The following GTF2A1 variants were observed in gnomAD, a reference collection of about 807,000 sequenced individuals.
GTF2A1 encodes the protein transcription initiation factor IIA subunit 1.
Under a neutral mutation model 54.1 loss-of-function variants are expected in GTF2A1, and 12 were observed. That is an observed-to-expected ratio of 0.22 (90% CI 0.14 to 0.36). The LOEUF is 0.36. Among genes scored for constraint, GTF2A1 ranks in the 10% least tolerant of loss-of-function variants. The probability of loss-of-function intolerance (pLI) is 1.00; values close to 1 mark genes in which losing one functional copy is unlikely to be tolerated. For missense variants in GTF2A1, 335 were observed against 442.2 expected, an observed-to-expected ratio of 0.76 and a Z score of 2.17; for synonymous variants, 145 against 152.0, an observed-to-expected ratio of 0.95 and a Z score of 0.34.
At chr14:81,183,026 CGACT>C (rs1253902399) in intron 8 of GTF2A1, among the ~76,000 whole-genome samples, 6 of 152,102 alleles carry the variant, frequency 3.9e-5, no homozygotes, top group African/African-American at 1.4e-4. Context: ...TTTTCCATAC[CGACT>C]ATCAGCTTCT....
chr14:81,189,177 TA>T (rs1566852557), intron 7 of GTF2A1, among the ~76,000 whole-genome samples: 1 of 152,026 alleles, frequency 6.6e-6, no homozygotes, highest in Admixed American at 6.6e-5. Flanking sequence ...ACTTCATGGT[TA>T]AAAAAAATTT....
intron 8 of GTF2A1, among the ~76,000 whole-genome samples, chr14:81,181,480 G>A (rs182028073): frequency 7.2e-5 from 11 of 152,272 alleles, no homozygotes; most frequent in African/African-American, 2.4e-4. Flanking sequence ...GGTCCAGTAC[G>A]CTTTTACTAA....
At chr14:81,210,129 C>A (rs113849648) in intron 2 of GTF2A1, among the ~76,000 whole-genome samples, 2 of 149,512 alleles carry the variant, frequency 1.3e-5, no homozygotes, top group African/African-American at 4.8e-5. Context: ...TGAACATGGC[C>A]CCACACATTT....
intron 7 of GTF2A1, among the ~76,000 whole-genome samples, chr14:81,186,107 C>A (rs1193378634): frequency 6.6e-5 from 10 of 152,166 alleles, no homozygotes; most frequent in African/African-American, 2.4e-4. Flanking sequence ...CCGCCTAGGC[C>A]TCCCAAAGTG....
In GTF2A1 at chr14:81,191,788, A is replaced by G. The variant is rs1236678080; in HGVS notation, c.933+731T>C. On this transcript the variant is annotated intron_variant, in intron 7 of 8. Coordinates refer to ENST00000553612, the MANE Select transcript of GTF2A1 (RefSeq NM_015859.4). Reference sequence around the variant, plus strand: ...ACCAGGATGATTTTTATCTTGAAACATTTCTATTCATTTGTGTCTATTCAA... The same window carrying G: ...ACCAGGATGATTTTTATCTTGAAACGTTTCTATTCATTTGTGTCTATTCAA... Among the ~76,000 whole-genome samples the G allele has an allele frequency of 1.4e-4, 21 of 152,268 alleles. No homozygotes were observed. In the East Asian group the frequency reaches 3.9e-3, roughly 28 times the overall value.
chr14:81,215,735 T>TA (rs1038814765), intron 2 of GTF2A1, among the ~76,000 whole-genome samples: 5 of 152,076 alleles, frequency 3.3e-5, no homozygotes, highest in Non-Finnish European at 5.9e-5. Context: ...TTAAGACCAT[T>TA]AAAAAAAGAT....
rs1052676833 is a variant in GTF2A1, at chr14:81,179,399, A to G, written c.*824T>C. 6.6e-6 allele frequency: 1 copy of G among 152,240 alleles called. No individual in the cohort carries two copies. The highest frequency in any genetic ancestry group is 1.5e-5 in the Non-Finnish European group (1 of 68,038). The allele number at this position is 152,240 out of a possible 1,614,324, so 9.4% of individuals were successfully genotyped here. A position where few individuals can be genotyped will look rare whatever the true frequency, so the allele number is the denominator to read the frequency against. On this transcript the variant is annotated 3_prime_UTR_variant, in exon 9 of 9. Coordinates refer to ENST00000553612, the MANE Select transcript of GTF2A1 (RefSeq NM_015859.4). ...TTCAGCTAGATGGTATGCTTGCAAA[A>G]TAAAACTATATTCCTGAGGAGCTAG...
intron 7 of GTF2A1, among the ~76,000 whole-genome samples, chr14:81,189,397 C>T (rs187280383): frequency 1.6e-4 from 24 of 152,270 alleles, no homozygotes; most frequent in Admixed American, 1.4e-3. Flanking sequence ...AGTGGCCAGG[C>T]GCGGTGGCTC....
rs188013186 is a variant in GTF2A1 at position 81,205,180 on chromosome 14, C to T, written c.133-1076G>A. Among the ~76,000 whole-genome samples the T allele has an allele frequency of 1.0e-3, 152 of 151,996 alleles. 1 individual carries two copies. Among genetic ancestry groups the T allele is most frequent in the African/African-American group, 3.2e-3 (134 of 41,492 alleles). On this transcript the variant is annotated intron_variant, in intron 2 of 8. Coordinates refer to ENST00000553612, the MANE Select transcript of GTF2A1 (RefSeq NM_015859.4). ...CTCACTATGTTGCCCAGGCTGGTCT[C>T]GAACTCCTGGGCTCAAGCAATCTGC...
intron 6 of GTF2A1, among the ~76,000 whole-genome samples, chr14:81,193,556 T>G (rs1892923895): frequency 6.6e-6 from 1 of 152,216 alleles, no homozygotes; most frequent in Admixed American, 6.5e-5. Context: ...CAAACTAGGC[T>G]TAATGGTTCT....
At chr14:81,214,416 TG>T (rs1300312053) in intron 2 of GTF2A1, among the ~76,000 whole-genome samples, 1 of 151,800 alleles carries the variant, frequency 6.6e-6, no homozygotes, top group South Asian at 2.1e-4. Context: ...GAGGCCGAGG[TG>T]GGGGGATCAC....
intron 4 of GTF2A1, among the ~76,000 whole-genome samples, chr14:81,199,648 A>C (rs983454991): frequency 2.0e-5 from 3 of 152,244 alleles, no homozygotes; most frequent in Non-Finnish European, 4.4e-5. Context: ...ACAACAAAGT[A>C]AAATGTAAAA....
rs373416763 is a variant in GTF2A1 at position 81,215,513 on chromosome 14, T to C, written c.132+900A>G. Among the ~76,000 whole-genome samples the C allele has an allele frequency of 1.1e-4, 17 of 152,286 alleles. No individual in the cohort carries two copies. In the East Asian group the frequency reaches 2.1e-3, roughly 19 times the overall value. On this transcript the variant is annotated intron_variant, in intron 2 of 8. Coordinates refer to ENST00000553612, the MANE Select transcript of GTF2A1 (RefSeq NM_015859.4). ...CAACAGGGCAAAAATATTCCACAAT[T>C]TCATGAGTCATTACAATGCAAGGAA...
intron 7 of GTF2A1, among the ~76,000 whole-genome samples, chr14:81,189,620 G>A (rs1892830254): frequency 2.0e-5 from 3 of 152,074 alleles, no homozygotes; most frequent in Admixed American, 1.3e-4. Flanking sequence ...GCAGTGAGCA[G>A]AGATAGTGCC....
intron 7 of GTF2A1, among the ~76,000 whole-genome samples, chr14:81,187,556 T>C (rs903746326): frequency 2.0e-5 from 3 of 152,186 alleles, no homozygotes; most frequent in African/African-American, 7.2e-5. Flanking sequence ...ATCTATAATC[T>C]GCTGTCTGTA....
chr14:81,216,446 T>G lies in GTF2A1; in HGVS notation c.99A>C (p.Gly33=), dbSNP rs773098230. Residue 33 remains glycine, a synonymous_variant, in exon 2 of 9, where the codon GGA becomes GGC. Coordinates refer to ENST00000553612, the MANE Select transcript of GTF2A1 (RefSeq NM_015859.4). ...NDVRDIFLDD[G]VDEQVLMELK... The stretch of plus-strand genomic sequence containing the variant: ...GTTCCATCAGTACTTGTTCATCCAC[T>G]CCATCATCCAGAAAGATGTCTCTCA... 4 of 1,517,966 alleles carry G rather than the reference T, an allele frequency of 2.6e-6. No individual in the cohort carries two copies. Among genetic ancestry groups the G allele is most frequent in the Non-Finnish European group, 2.7e-6 (3 of 1,092,776 alleles). The allele number at this position is 1,517,966 out of a possible 1,614,324, so 94.0% of individuals were successfully genotyped here.
chr14:81,196,310 A>T, intron 5 of GTF2A1, 69 bp from the exon 6 acceptor site: 1 of 1,472,994 alleles, frequency 6.8e-7, no homozygotes, highest in Non-Finnish European at 9.5e-7. Context: ...ATGAATTCAT[A>T]TTTAATTTCA....
chr14:81,201,641 T>C lies in GTF2A1; in HGVS notation c.355A>G (p.Ile119Val), dbSNP rs1893113311. Residue 119 changes from isoleucine to valine, a missense_variant, in exon 4 of 9, where the codon ATT becomes GTT. This residue lies in a region of GTF2A1 where 306 missense variants were observed against 360.4 expected (regional missense o/e 0.85). Coordinates refer to ENST00000553612, the MANE Select transcript of GTF2A1 (RefSeq NM_015859.4). ...TGTATCAACTTAGAATCTGGAACAATAACTTGTGGTGCTGTGGCTACAAAA... is the reference window on the plus strand; with the variant it reads ...TGTATCAACTTAGAATCTGGAACAACAACTTGTGGTGCTGTGGCTACAAAA... ...ASQQATAPQVIVPDSKLIQHM... is the reference protein window; with the variant it reads ...ASQQATAPQVVVPDSKLIQHM... 6.2e-7 allele frequency: 1 copy of C among 1,610,226 alleles called. No individual in the cohort carries two copies. Among genetic ancestry groups the C allele is most frequent in the African/African-American group, 1.3e-5 (1 of 74,972 alleles).
At chr14:81,214,235 G>A (rs1192872050) in intron 2 of GTF2A1, among the ~76,000 whole-genome samples, 1 of 152,086 alleles carries the variant, frequency 6.6e-6, no homozygotes, top group Non-Finnish European at 1.5e-5. Context: ...CACAACAAAT[G>A]TTCCTTAACA....
Sources: gnomAD v4.1 joint callset for allele counts (sites outside exome capture counted in the v4.1 genomes callset) on GRCh38, gnomAD v4.1.1 for gene constraint, gnomAD v4.1.1 regional missense constraint, MANE v1.5 for transcripts, NCBI Gene and HGNC (gene_info 2026-07-23, HGNC 2026-07-21) for gene names.